TOX2: variants seen among roughly 807,000 people sequenced by gnomAD.
The protein encoded by TOX2 is TOX high mobility group box family member 2.
Under a neutral mutation model 47.4 loss-of-function variants are expected in TOX2, and 15 were observed. That is an observed-to-expected ratio of 0.32 (90% CI 0.21 to 0.49). The LOEUF (loss-of-function observed/expected upper bound fraction) is 0.49. Ranked by LOEUF, TOX2 falls within the 20% of genes least tolerant of loss-of-function variation. TOX2 has a pLI of 0.99. For synonymous variants in TOX2, 290 were observed against 296.6 expected, an observed-to-expected ratio of 0.98 and a Z score of 0.23; for missense variants, 622 against 673.1, an observed-to-expected ratio of 0.92 and a Z score of 0.84.
chr20:44,054,147 GTCT>G, intron 4 of TOX2, 149 bp from the exon 5 acceptor site: 1 of 730,700 alleles, frequency 1.4e-6, no homozygotes, highest in African/African-American at 1.9e-5. Context: ...GGGTGTGTGT[GTCT>G]GTCTGTCCAT....
intron 1 of TOX2, among the ~76,000 whole-genome samples, chr20:43,935,742 A>G (rs141139090): frequency 0.01 from 1,535 of 152,012 alleles, 33 homozygotes; most frequent in African/African-American, 0.035. Context: ...CCTGGACAAC[A>G]TGGTGAAACC....
intron 3 of TOX2, among the ~76,000 whole-genome samples, chr20:44,019,551 GT>G (rs1445670468): frequency 1.3e-5 from 2 of 152,218 alleles, no homozygotes; most frequent in Admixed American, 1.3e-4. Flanking sequence ...GGGCAAAAGT[GT>G]TGGTTTAATG....
At chr20:44,032,903 A>G (rs573167487) in intron 3 of TOX2, among the ~76,000 whole-genome samples, 4 of 152,346 alleles carry the variant, frequency 2.6e-5, no homozygotes, top group African/African-American at 9.6e-5. Context: ...GATCAGTATC[A>G]CCAGGAATGG....
chr20:44,019,225 G>A (rs1173948571), intron 3 of TOX2, among the ~76,000 whole-genome samples: 1 of 152,200 alleles, frequency 6.6e-6, no homozygotes, highest in East Asian at 1.9e-4. Context: ...GTCTTACACA[G>A]CAGTCTGCTT....
intron 3 of TOX2, among the ~76,000 whole-genome samples, chr20:44,044,286 G>A (rs930059239): frequency 4.6e-5 from 7 of 151,984 alleles, no homozygotes; most frequent in Non-Finnish European, 7.4e-5. Flanking sequence ...GTGGGGGGCG[G>A]TTGTGGGGAG....
intron 3 of TOX2, among the ~76,000 whole-genome samples, chr20:44,037,187 C>CA (rs1419205671): frequency 6.6e-6 from 1 of 152,224 alleles, no homozygotes; most frequent in Non-Finnish European, 1.5e-5. Context: ...CTCCTGACCT[C>CA]AGGTGATCCA....
At chr20:44,031,431 C>T (rs1015331055) in intron 3 of TOX2, among the ~76,000 whole-genome samples, 4 of 152,158 alleles carry the variant, frequency 2.6e-5, no homozygotes, top group Admixed American at 2.6e-4. Context: ...ATGGGTTGTG[C>T]TATATTGGTG....
intron 3 of TOX2, among the ~76,000 whole-genome samples, chr20:44,009,385 A>G (rs1017022758): frequency 2.0e-5 from 3 of 152,198 alleles, no homozygotes; most frequent in South Asian, 4.1e-4. Context: ...TCCACATTTC[A>G]TAGTGTTTGG....
intron 1 of TOX2, among the ~76,000 whole-genome samples, chr20:43,918,316 A>G (rs145721197): frequency 2.4e-3 from 358 of 152,286 alleles, no homozygotes; most frequent in African/African-American, 8.2e-3. Flanking sequence ...CTCATTTTTT[A>G]CTGAGATGTG....
chr20:43,979,448 AAG>A, intron 2 of TOX2, among the ~76,000 whole-genome samples: 1 of 152,132 alleles, frequency 6.6e-6, no homozygotes, highest in Non-Finnish European at 1.5e-5. Context: ...GTAATTCAAG[AAG>A]AGAGGGGATC....
At position 43,982,457 on chromosome 20, in the gene TOX2, G is replaced by A. The variant is rs140800664; in HGVS notation, c.165+9025G>A. ...TCTAAGCTGCTTTTAGAGAGAAGAC[G>A]GGTCCCAGGGCCTGGGGTCCAGTGC... On this transcript the variant is annotated intron_variant, in intron 2 of 8. Transcript: ENST00000341197. Among the ~76,000 whole-genome samples, 1,322 of 152,248 alleles carry A rather than the reference G, an allele frequency of 8.7e-3. 9 individuals are homozygous for A. Among genetic ancestry groups the A allele is most frequent in the South Asian group, 0.021 (103 of 4,818 alleles).
chr20:44,001,969 T>C (rs1315196389), intron 2 of TOX2, among the ~76,000 whole-genome samples: 18 of 152,202 alleles, frequency 1.2e-4, no homozygotes, highest in Admixed American at 1.2e-3. Context: ...TGGCTCAGGA[T>C]CCTCATTTAT....
chr20:43,982,729 A>C (rs2070189688), intron 2 of TOX2, among the ~76,000 whole-genome samples: 1 of 151,818 alleles, frequency 6.6e-6, no homozygotes, highest in Non-Finnish European at 1.5e-5. Flanking sequence ...GGTGGGACCC[A>C]GAACTGAAGG....
chr20:44,022,980 G>A (rs2070998925), intron 3 of TOX2, among the ~76,000 whole-genome samples: 1 of 151,418 alleles, frequency 6.6e-6, no homozygotes, highest in African/African-American at 2.4e-5. Flanking sequence ...TATGTAAGAG[G>A]AGAGAGAGAG....
intron 3 of TOX2, among the ~76,000 whole-genome samples, chr20:44,043,010 T>G (rs978778024): frequency 1.3e-5 from 2 of 152,166 alleles, no homozygotes; most frequent in African/African-American, 2.4e-5. Flanking sequence ...TTTTACTATT[T>G]TGGTAAAACT....
chr20:43,987,687 G>A (rs2070290475), intron 2 of TOX2, among the ~76,000 whole-genome samples: 2 of 152,102 alleles, frequency 1.3e-5, no homozygotes, highest in Non-Finnish European at 2.9e-5. Context: ...GAGCATGGAT[G>A]GGCGAGCCTT....
intron 1 of TOX2, among the ~76,000 whole-genome samples, chr20:43,968,795 C>T (rs920199102): frequency 6.6e-6 from 1 of 152,162 alleles, no homozygotes; most frequent in South Asian, 2.1e-4. Context: ...CTATTCCAGT[C>T]ACTGGTAAGA....
At chr20:43,992,862 A>AAG (rs1468495710) in intron 2 of TOX2, among the ~76,000 whole-genome samples, 2 of 148,666 alleles carry the variant, frequency 1.3e-5, no homozygotes, top group African/African-American at 4.9e-5. Context: ...AAAAAAAAAA[A>AAG]AAAAGAAAAA....
intron 2 of TOX2, among the ~76,000 whole-genome samples, chr20:43,989,769 G>A (rs1355196421): frequency 3.4e-5 from 5 of 147,626 alleles, no homozygotes; most frequent in Non-Finnish European, 5.9e-5. Flanking sequence ...AACAGAGCAA[G>A]ACTCTGTCTC....
Sources: gnomAD v4.1 joint callset for allele counts (sites outside exome capture counted in the v4.1 genomes callset) on GRCh38, gnomAD v4.1.1 for gene constraint, MANE v1.5 for transcripts, NCBI Gene and HGNC (gene_info 2026-07-23, HGNC 2026-07-21) for gene names.